The following TGM2 variants were observed in gnomAD, a reference collection of about 807,000 sequenced individuals.
TGM2 encodes the protein transglutaminase 2.
In TGM2, 53 loss-of-function variants were observed where a neutral mutation model predicts 75.6. That is an observed-to-expected ratio of 0.70 (90% confidence interval 0.56 to 0.88). The LOEUF (loss-of-function observed/expected upper bound fraction) is 0.88. TGM2 is among the 40% of genes least tolerant of loss of function. The pLI is 0.00. For missense variants in TGM2, 842 were observed against 928.5 expected, an observed-to-expected ratio of 0.91 and a Z score of 1.21; for synonymous variants, 374 against 381.1, an observed-to-expected ratio of 0.98 and a Z score of 0.22.
intron 2 of TGM2, among the ~76,000 whole-genome samples, chr20:38,160,767 T>C (rs566185484): frequency 2.7e-4 from 41 of 152,242 alleles, no homozygotes; most frequent in Admixed American, 2.5e-3. Flanking sequence ...CTGGCTGGGT[T>C]GCGTGGATTT....
At chr20:38,135,368 C>T (rs1039647698) in intron 10 of TGM2, among the ~76,000 whole-genome samples, 17 of 150,588 alleles carry the variant, frequency 1.1e-4, no homozygotes, top group Non-Finnish European at 2.4e-4. Flanking sequence ...TCAATATATC[C>T]GTGTAACAAA....
At chr20:38,145,231 G>A (rs1329555249) in intron 6 of TGM2, 1 of 152,134 alleles carries the variant, frequency 6.6e-6, no homozygotes, top group Non-Finnish European at 1.5e-5. Context: ...TGTGCTGGGG[G>A]CCCTGCCAGG....
Position 38,150,978 on chromosome 20 carries a change from C to A in TGM2, c.513G>T (p.Ser171=). The change falls in exon 4 of 13, where the codon TCG becomes TCT. Residue 171 remains serine, a synonymous_variant. Transcript: ENST00000361475. ...AAGGTATGTTCTTGATGAACTTGGC[C>A]GAGCCCTGGTAGATAAAGCCCTGCT... ...LTQQGFIYQG[S]AKFIKNIPWN... is the part of the protein sequence containing the mutation. 6.2e-7 allele frequency: 1 copy of A among 1,614,156 alleles called. No homozygotes were observed. Among genetic ancestry groups the A allele is most frequent in the African/African-American group, 1.3e-5 (1 of 75,044 alleles).
intron 12 of TGM2, 115 bp from the exon 13 acceptor site, chr20:38,130,484 G>A (rs962599550): frequency 5.4e-5 from 65 of 1,196,478 alleles, no homozygotes; most frequent in Non-Finnish European, 7.2e-5. Flanking sequence ...GTCCATGAAT[G>A]GGCCTCATTC....
At chr20:38,143,604 G>A (rs750988808) in intron 6 of TGM2, among the ~76,000 whole-genome samples, 2 of 152,160 alleles carry the variant, frequency 1.3e-5, no homozygotes, top group African/African-American at 2.4e-5. Context: ...TCCCGGTGTG[G>A]ATCTCACCCA....
Position 38,139,561 on chromosome 20 carries a change from T to A in TGM2, c.1193A>T (p.Asn398Ile), listed in dbSNP as rs375147919. 2 of 1,614,188 alleles carry A rather than the reference T, an allele frequency of 1.2e-6. No individual in the cohort carries two copies. Among genetic ancestry groups the A allele is most frequent in the Non-Finnish European group, 1.7e-6 (2 of 1,180,036 alleles). ...CTGGATCCAGTCTACCACGTCGGCA[T>A]TGACCTCCGCAAAGACAAAGGGCGC... Reference protein sequence around the residue: ...YDAPFVFAEVNADVVDWIQQD... With the variant: ...YDAPFVFAEVIADVVDWIQQD... Residue 398 changes from asparagine to isoleucine, a missense_variant, in exon 9 of 13, where the codon AAT (asparagine) becomes ATT (isoleucine). Asn to Ile is a moderately radical substitution (Grantham distance 149, BLOSUM62 -3). Transcript: ENST00000361475.
At chr20:38,138,594 A>G (rs781550276) in intron 9 of TGM2, among the ~76,000 whole-genome samples, 22 of 151,866 alleles carry the variant, frequency 1.4e-4, no homozygotes, top group Middle Eastern at 3.2e-3. Context: ...TCAACCCCAA[A>G]TGACCCCTCC....
At chr20:38,131,287 G>T in intron 11 of TGM2, 58 bp from the exon 12 acceptor site, 1 of 1,608,794 alleles carries the variant, frequency 6.2e-7, no homozygotes, top group Non-Finnish European at 8.5e-7. Context: ...TGGGCTGTCT[G>T]CATTCACTGC....
chr20:38,131,993 T>C (rs1233964471), intron 11 of TGM2, among the ~76,000 whole-genome samples: 1 of 151,968 alleles, frequency 6.6e-6, no homozygotes, highest in East Asian at 1.9e-4. Flanking sequence ...AGTGAGACTC[T>C]AGTCTGTGCC....
chr20:38,156,028 C>T lies in TGM2; in HGVS notation c.252G>A (p.Glu84=), dbSNP rs963311801. 2.7e-5 allele frequency: 43 copies of T among 1,613,776 alleles called. No homozygotes were observed. Among genetic ancestry groups the T allele is most frequent in the Non-Finnish European group, 3.6e-5 (43 of 1,179,984 alleles). ...CCACGGTGGCTGTCCAGTCACCCTCCTCCACAGCATCTCTTAGTGGAAAAC... is the reference window on the plus strand; with the variant it reads ...CCACGGTGGCTGTCCAGTCACCCTCTTCCACAGCATCTCTTAGTGGAAAAC... The part of the protein sequence containing the change: ...KARFPLRDAV[E]EGDWTATVVD... Residue 84 remains glutamate (E), a synonymous_variant, in exon 3 of 13, where the codon GAG becomes GAA. Transcript: ENST00000361475.
intron 6 of TGM2, among the ~76,000 whole-genome samples, chr20:38,143,239 G>A (rs1425608518): frequency 6.6e-6 from 1 of 152,218 alleles, no homozygotes; most frequent in Non-Finnish European, 1.5e-5. Context: ...AACAGGCAGA[G>A]GAGGGCACAG....
chr20:38,151,228 A>G (rs2075112863), intron 3 of TGM2, among the ~76,000 whole-genome samples, 171 bp from the exon 4 acceptor site: 2 of 152,236 alleles, frequency 1.3e-5, no homozygotes, highest in African/African-American at 4.8e-5. Flanking sequence ...TCAATGAGAT[A>G]AGGTGTTATC....
At chr20:38,163,423 C>T (rs1051174694) in intron 1 of TGM2, among the ~76,000 whole-genome samples, 1 of 152,218 alleles carries the variant, frequency 6.6e-6, no homozygotes, top group Non-Finnish European at 1.5e-5. Flanking sequence ...TGTGAATTAT[C>T]TCGACTTAAA....
intron 12 of TGM2, 48 bp from the exon 13 acceptor site, chr20:38,130,417 C>T (rs998638420): frequency 1.3e-6 from 2 of 1,549,630 alleles, no homozygotes; most frequent in Admixed American, 3.9e-5. Context: ...AGGCCTGGCT[C>T]CCGCATGCTG....
chr20:38,161,373 A>AGTGGTG (rs372765546), intron 2 of TGM2, 47 bp downstream of exon 2: 10 of 1,589,746 alleles, frequency 6.3e-6, no homozygotes, highest in East Asian at 2.2e-5. Flanking sequence ...GTGGAGAGGA[A>AGTGGTG]GTGGTGGTGG....
intron 11 of TGM2, among the ~76,000 whole-genome samples, chr20:38,131,954 C>G (rs2074839016): frequency 6.6e-6 from 1 of 152,054 alleles, no homozygotes; most frequent in South Asian, 2.1e-4. Context: ...AACTCACATG[C>G]CCAGGGCTGC....
chr20:38,153,383 G>A (rs568003752), intron 3 of TGM2, among the ~76,000 whole-genome samples: 12 of 152,130 alleles, frequency 7.9e-5, no homozygotes, highest in African/African-American at 2.2e-4. Flanking sequence ...AAATTAGCCC[G>A]GCGTGGTGGT....
At chr20:38,134,684 G>A (rs1236174912) in intron 10 of TGM2, among the ~76,000 whole-genome samples, 1 of 152,204 alleles carries the variant, frequency 6.6e-6, no homozygotes, top group Non-Finnish European at 1.5e-5. Context: ...TGACCCACCT[G>A]GAGGGATGAG....
At chr20:38,151,692 G>C (rs2075117230) in intron 3 of TGM2, among the ~76,000 whole-genome samples, 1 of 152,212 alleles carries the variant, frequency 6.6e-6, no homozygotes, top group African/African-American at 2.4e-5. Context: ...GTCCTGTCCA[G>C]CTTGAGAGAG....
Sources: allele counts gnomAD v4.1 joint callset (sites outside exome capture counted in the v4.1 genomes callset), GRCh38; gene constraint gnomAD v4.1.1; transcripts MANE v1.5; gene names NCBI Gene and HGNC (gene_info 2026-07-23, HGNC 2026-07-21).